DAB2IP: variants seen among roughly 807,000 people sequenced by gnomAD.
The protein encoded by DAB2IP is DAB2 interacting protein.
In DAB2IP, 28 loss-of-function variants were observed where a neutral mutation model predicts 107.2. The ratio of observed to expected loss-of-function variants is 0.26; its 90% CI spans 0.19 to 0.36. The LOEUF is 0.36. Among genes scored for constraint, DAB2IP ranks in the 10% least tolerant of loss-of-function variants. The pLI, the probability that DAB2IP is intolerant of heterozygous loss-of-function variation, is 1.00. For synonymous variants in DAB2IP, 755 were observed against 706.4 expected, an observed-to-expected ratio of 1.07 and a Z score of -1.09; for missense variants, 1,400 against 1,644.7, an observed-to-expected ratio of 0.85 and a Z score of 2.57.
At chr9:121,603,319 G>A (rs754293441) in intron 1 of DAB2IP, among the ~76,000 whole-genome samples, 8 of 152,190 alleles carry the variant, frequency 5.3e-5, no homozygotes, top group Non-Finnish European at 1.0e-4. Context: ...TGGAGGAATC[G>A]CCTGCATAGA....
intron 4 of DAB2IP, 28 bp from the exon 5 acceptor site, chr9:121,758,870 A>G (rs762560743): frequency 4.4e-6 from 7 of 1,605,588 alleles, no homozygotes; most frequent in South Asian, 1.1e-5. Flanking sequence ...CCCTTCCCTC[A>G]TAACACTGTC....
chr9:121,770,517 C>A, intron 10 of DAB2IP, 29 bp from the exon 11 acceptor site: 1 of 1,603,658 alleles, frequency 6.2e-7, no homozygotes, highest in South Asian at 1.1e-5. Flanking sequence ...CCCAGGAGGT[C>A]ACACCTGCCT....
chr9:121,676,840 CA>C (rs1188951224), intron 1 of DAB2IP, among the ~76,000 whole-genome samples: 1 of 152,174 alleles, frequency 6.6e-6, no homozygotes, highest in East Asian at 1.9e-4. Flanking sequence ...TGTTGGGGGC[CA>C]CCTCTGGAGC....
intron 1 of DAB2IP, among the ~76,000 whole-genome samples, chr9:121,602,123 G>A (rs555590800): frequency 5.3e-5 from 8 of 152,232 alleles, no homozygotes; most frequent in Admixed American, 5.2e-4. Flanking sequence ...GGAAGAGAAC[G>A]TGGAATATAG....
chr9:121,620,067 T>G (rs1037214081), intron 1 of DAB2IP, among the ~76,000 whole-genome samples: 4 of 152,190 alleles, frequency 2.6e-5, no homozygotes, highest in African/African-American at 9.7e-5. Context: ...CAAATCACTT[T>G]TAGTGGTCAT....
intron 1 of DAB2IP, among the ~76,000 whole-genome samples, chr9:121,627,214 C>A (rs1457850222): frequency 6.6e-6 from 1 of 151,836 alleles, no homozygotes; most frequent in East Asian, 1.9e-4. Flanking sequence ...TCCCACATAT[C>A]CTGAAGTATC....
intron 1 of DAB2IP, among the ~76,000 whole-genome samples, chr9:121,626,273 GAC>G (rs1283988391): frequency 3.9e-5 from 6 of 152,004 alleles, no homozygotes; most frequent in African/African-American, 1.2e-4. Flanking sequence ...ATATATTCAG[GAC>G]ACAGACTGTC....
Position 121,736,233 on chromosome 9 carries a change from T to C in DAB2IP, c.363-20780T>C, listed in dbSNP as rs1215108962. Among the ~76,000 whole-genome samples the C allele has an allele frequency of 6.6e-6, 1 of 152,196 alleles. No homozygotes were observed. The highest frequency in any genetic ancestry group is 2.4e-5 in the African/African-American group (1 of 41,454). ...GTTTGCCTTGGTTGGGTCTCTGGGC[T>C]GCGCTGGTCTAAGCCCGACGAACCC... is the stretch of plus-strand genomic sequence containing the variant. On this transcript the variant is annotated intron_variant, in intron 3 of 15. Coordinates refer to ENST00000408936, the Ensembl canonical transcript of DAB2IP. The surrounding 1 kb of genome is among the most constrained non-coding windows in gnomAD (Gnocchi z 4.6).
chr9:121,639,660 G>A (rs1832211012), intron 1 of DAB2IP, among the ~76,000 whole-genome samples: 1 of 152,142 alleles, frequency 6.6e-6, no homozygotes, highest in Admixed American at 6.5e-5. Flanking sequence ...TTGGGCCTCA[G>A]TTTGCCCATC....
chr9:121,602,293 C>T (rs10818569), intron 1 of DAB2IP, among the ~76,000 whole-genome samples: 52,188 of 151,930 alleles, frequency 0.34, 9,233 homozygotes, highest in South Asian at 0.44. Context: ...TGAAGTTTCT[C>T]CTGCCACAAG....
At position 121,678,947 on chromosome 9, in the gene DAB2IP, C is replaced by G. The variant is rs989571715; in HGVS notation, c.228+166C>G. On this transcript the variant is annotated intron_variant, in intron 2 of 15. Transcript: ENST00000408936. ...CCGATCCCTCAGCTGCTCCCATCTCCGTGGCTCAGCCCTGGTCCCGGGGGC... is the reference window on the plus strand; with the variant it reads ...CCGATCCCTCAGCTGCTCCCATCTCGGTGGCTCAGCCCTGGTCCCGGGGGC... 17 of 627,270 alleles carry G rather than the reference C, an allele frequency of 2.7e-5. No individual in the cohort carries two copies. The African/African-American group carries it at 3.1e-4, about 11-fold the overall frequency. 38.9% of individuals were successfully genotyped at this position (627,270 alleles called of 1,614,324 possible). A position where few individuals can be genotyped will look rare whatever the true frequency, so the allele number is the denominator to read the frequency against.
At chr9:121,672,609 G>A (rs531822963) in intron 1 of DAB2IP, among the ~76,000 whole-genome samples, 1 of 152,330 alleles carries the variant, frequency 6.6e-6, no homozygotes, top group Non-Finnish European at 1.5e-5. Flanking sequence ...ACCTCCTAGA[G>A]GAAAGGGGAT....
At chr9:121,570,259 C>T (rs540488873) in intron 1 of DAB2IP, among the ~76,000 whole-genome samples, 8 of 151,872 alleles carry the variant, frequency 5.3e-5, no homozygotes, top group African/African-American at 9.7e-5. Context: ...ACCACAGGTG[C>T]ACAACACCAT....
At chr9:121,682,775 T>A (rs1183918651) in intron 2 of DAB2IP, among the ~76,000 whole-genome samples, 1 of 152,198 alleles carries the variant, frequency 6.6e-6, no homozygotes, top group Non-Finnish European at 1.5e-5. Context: ...GACCCAGGTT[T>A]CAGGCCCTGC....
chr9:121,773,924 G>A (rs748628955), intron 12 of DAB2IP, among the ~76,000 whole-genome samples: 1 of 152,234 alleles, frequency 6.6e-6, no homozygotes, highest in Non-Finnish European at 1.5e-5. Context: ...AGTGTCTGGA[G>A]TGGAGGTGCC....
Position 121,699,866 on chromosome 9 carries a change from CAAA to C in DAB2IP, c.362+410_362+412del, listed in dbSNP as rs1829673193. Among the ~76,000 whole-genome samples, 1 of 152,206 alleles carries C rather than the reference CAAA, an allele frequency of 6.6e-6. No individual in the cohort carries two copies. Among genetic ancestry groups the C allele is most frequent in the Non-Finnish European group, 1.5e-5 (1 of 68,042 alleles). ...CTTGGGAGCCCCTGGGTATCAGATACAAAAGGCATTTTCGGCCGGGTTTGGCCG... is the reference window on the plus strand; with the variant it reads ...CTTGGGAGCCCCTGGGTATCAGATACAGGCATTTTCGGCCGGGTTTGGCCG... On this transcript the variant is annotated intron_variant, in intron 3 of 15. Transcript: ENST00000408936. The surrounding 1 kb of genome is among the most constrained non-coding windows in gnomAD (Gnocchi z 6.2).
chr9:121,754,723 T>C (rs556030751), intron 3 of DAB2IP, among the ~76,000 whole-genome samples: 2 of 152,304 alleles, frequency 1.3e-5, no homozygotes, highest in South Asian at 4.1e-4. Flanking sequence ...CTGGCTGTTT[T>C]GGGGTCTGGC....
intron 1 of DAB2IP, among the ~76,000 whole-genome samples, chr9:121,643,483 T>G (rs1832432002): frequency 6.6e-6 from 1 of 151,966 alleles, no homozygotes; most frequent in South Asian, 2.1e-4. Flanking sequence ...ATCTCACCCC[T>G]CACATAGCCT....
In DAB2IP at chr9:121,678,830, C is replaced by G. The variant is rs1414208323; in HGVS notation, c.228+49C>G. 3 of 1,495,914 alleles carry G rather than the reference C, an allele frequency of 2.0e-6. No homozygotes were observed. The South Asian group carries it at 3.8e-5, about 19-fold the overall frequency. The allele number at this position is 1,495,914 out of a possible 1,614,324, so 92.7% of individuals were successfully genotyped here. ...ACCGCCACTGCCACCACCATCACCA[C>G]CTCGCCCGGGGTGCTGCTCTGTGAC... On this transcript the variant is annotated intron_variant, in intron 2 of 15. Coordinates refer to ENST00000408936, the Ensembl canonical transcript of DAB2IP.
Sources: allele counts gnomAD v4.1 joint callset (sites outside exome capture counted in the v4.1 genomes callset), GRCh38; gene constraint gnomAD v4.1.1; non-coding constraint Gnocchi (gnomAD v3.1); transcripts MANE v1.5; gene names NCBI Gene and HGNC (gene_info 2026-07-23, HGNC 2026-07-21).